Variants in CSMD2 observed in about 807,000 individuals in gnomAD.
CSMD2 encodes the protein CUB and Sushi multiple domains 2.
A neutral mutation model predicts 398.5 loss-of-function variants in CSMD2; 130 were observed. That is an observed-to-expected ratio of 0.33 (90% CI 0.28 to 0.38). The LOEUF (loss-of-function observed/expected upper bound fraction) is 0.38. Ranked by LOEUF, CSMD2 falls within the 10% of genes least tolerant of loss-of-function variation. CSMD2 has a pLI of 1.00. For missense variants in CSMD2, 3,829 were observed against 4,764.9 expected (o/e 0.80, Z 5.78); for synonymous variants, 1,828 against 1,908.5 (o/e 0.96, Z 1.10).
intron 49 of CSMD2, among the ~76,000 whole-genome samples, chr1:33,572,942 C>A (rs1327556898): frequency 6.6e-6 from 1 of 151,912 alleles, no homozygotes; most frequent in Non-Finnish European, 1.5e-5. Flanking sequence ...TGGGAGGGAG[C>A]CTCAGGGTGA....
chr1:34,010,560 C>T (rs1177256799), intron 3 of CSMD2, among the ~76,000 whole-genome samples: 2 of 151,852 alleles, frequency 1.3e-5, no homozygotes, highest in Admixed American at 6.6e-5. Flanking sequence ...GAGCTGGACC[C>T]GAATCCAGGT....
intron 15 of CSMD2, among the ~76,000 whole-genome samples, chr1:33,728,225 AAGACTGGGG>A (rs1303184462): frequency 3.9e-5 from 6 of 152,142 alleles, no homozygotes; most frequent in African/African-American, 1.4e-4. Flanking sequence ...TTCCCTGAAC[AAGACTGGGG>A]AGGAATAAAG....
At chr1:34,135,616 C>T (rs1321491888) in intron 1 of CSMD2, among the ~76,000 whole-genome samples, 2 of 82,624 alleles carry the variant, frequency 2.4e-5, no homozygotes, top group East Asian at 3.6e-4. Flanking sequence ...GACTCCATCT[C>T]AAAAAAAAAA....
At chr1:33,679,197 TTG>T (rs1384306194) in intron 25 of CSMD2, among the ~76,000 whole-genome samples, 36 of 123,886 alleles carry the variant, frequency 2.9e-4, no homozygotes, top group Admixed American at 8.5e-4. Flanking sequence ...CAAATTGCAG[TTG>T]TTTTTTTTTT....
chr1:33,979,401 G>T (rs1489225431), intron 3 of CSMD2, among the ~76,000 whole-genome samples: 1 of 152,252 alleles, frequency 6.6e-6, no homozygotes, highest in African/African-American at 2.4e-5. Context: ...AGGCATTTCG[G>T]CTACCATCCA....
chr1:34,089,268 T>A, intron 1 of CSMD2, 75 bp from the exon 2 acceptor site: 1 of 1,383,908 alleles, frequency 7.2e-7, no homozygotes, highest in East Asian at 2.4e-5. Flanking sequence ...AGGAGCAATG[T>A]GTTAGCAAAT....
rs570689433 is a variant in CSMD2 at position 33,783,621 on chromosome 1, G to A, written c.1663+4979C>T. Among the ~76,000 whole-genome samples the A allele has an allele frequency of 2.9e-4, 44 of 152,194 alleles. 1 individual carries two copies. The South Asian group carries it at 8.9e-3, about 31-fold the overall frequency. ...CCAGCCTCTAGAACTGGGAGAAAAC[G>A]GGGTGCTGTTCTGCCTTCTCTAGAC... On this transcript the variant is annotated intron_variant, in intron 12 of 70. Transcript: ENST00000373381.
chr1:33,957,964 C>T (rs536775593), intron 3 of CSMD2, among the ~76,000 whole-genome samples: 19 of 151,630 alleles, frequency 1.3e-4, no homozygotes, highest in Admixed American at 7.9e-4. Flanking sequence ...TGTGCACGCA[C>T]GCATGTGTGT....
intron 52 of CSMD2, among the ~76,000 whole-genome samples, chr1:33,569,017 TA>T: frequency 6.6e-6 from 1 of 152,220 alleles, no homozygotes; most frequent in Non-Finnish European, 1.5e-5. Context: ...ATAGATAATA[TA>T]AAAGGTATTT....
intron 3 of CSMD2, among the ~76,000 whole-genome samples, chr1:34,022,982 C>G (rs1199568905): frequency 6.6e-6 from 1 of 152,096 alleles, no homozygotes; most frequent in African/African-American, 2.4e-5. Flanking sequence ...CGGGTACATA[C>G]CACCATGCCT....
chr1:33,889,068 C>T (rs1014090896), intron 5 of CSMD2, among the ~76,000 whole-genome samples: 1 of 152,100 alleles, frequency 6.6e-6, no homozygotes, highest in African/African-American at 2.4e-5. Context: ...CTGCGCCCGG[C>T]CAAGATCAAC....
rs1037320188 is a variant in CSMD2 at position 33,832,925 on chromosome 1, CA to C, written c.1034-7152del. Among the ~76,000 whole-genome samples the C allele has an allele frequency of 1.6e-3, 251 of 152,276 alleles. 1 individual carries two copies. The highest frequency in any genetic ancestry group is 0.014 in the Middle Eastern group (4 of 294). ...GAAGAAATGGATAAATTCCTAGACA[CA>C]TACACCCTCCCAAGACTAAACCAGG... is the stretch of plus-strand genomic sequence containing the variant. On this transcript the variant is annotated intron_variant, in intron 6 of 70. Coordinates refer to ENST00000373381, the MANE Select transcript of CSMD2 (RefSeq NM_001281956.2).
chr1:33,693,079 G>C, intron 24 of CSMD2, 23 bp from the exon 25 acceptor site: 2 of 1,578,444 alleles, frequency 1.3e-6, no homozygotes, highest in Non-Finnish European at 1.7e-6. Context: ...CCAAAAGAGT[G>C]AGCTTCATGG....
At chr1:33,719,921 G>C (rs1056816174) in intron 19 of CSMD2, among the ~76,000 whole-genome samples, 2 of 152,160 alleles carry the variant, frequency 1.3e-5, no homozygotes, top group Non-Finnish European at 2.9e-5. Context: ...AAAGCCTCAC[G>C]GGTTAAAAGG....
intron 2 of CSMD2, among the ~76,000 whole-genome samples, chr1:34,086,253 T>G (rs531959814): frequency 6.6e-6 from 1 of 152,196 alleles, no homozygotes; most frequent in East Asian, 1.9e-4. Context: ...AGGTGCCCCA[T>G]AGATGGTGTC....
At chr1:33,687,142 G>A (rs546119124) in intron 25 of CSMD2, among the ~76,000 whole-genome samples, 11 of 152,288 alleles carry the variant, frequency 7.2e-5, no homozygotes, top group Admixed American at 1.3e-4. Flanking sequence ...AGAGTCCAGC[G>A]CTTAGCTATG....
At position 33,592,194 on chromosome 1, in the gene CSMD2, G is replaced by A. The variant is rs930241915; in HGVS notation, c.6857-5026C>T. On this transcript the variant is annotated intron_variant, in intron 44 of 70. Coordinates refer to ENST00000373381, the MANE Select transcript of CSMD2 (RefSeq NM_001281956.2). ...GAACTGAAGGGCCATCAGAAACCAA[G>A]GAAATTTTTCCACTTCTCAATCATT... is the stretch of plus-strand genomic sequence containing the variant. 5.3e-5 allele frequency: 30 copies of A among 563,680 alleles called. No individual in the cohort carries two copies. The South Asian group carries it at 6.0e-4, about 11-fold the overall frequency. 34.9% of individuals were successfully genotyped at this position (563,680 alleles called of 1,614,324 possible).
chr1:33,564,876 AAGGCTCACTTT>A (rs1365245500), intron 53 of CSMD2, among the ~76,000 whole-genome samples: 1 of 152,238 alleles, frequency 6.6e-6, no homozygotes, highest in Non-Finnish European at 1.5e-5. Flanking sequence ...ACTTTACATA[AAGGCTCACTTT>A]AGGGAAATTT....
chr1:33,533,024 G>A lies in CSMD2; in HGVS notation c.10171+26C>T, dbSNP rs1297878668. The A allele has an allele frequency of 6.3e-6, 10 of 1,579,984 alleles. No individual in the cohort carries two copies. Among genetic ancestry groups the A allele is most frequent in the Non-Finnish European group, 8.6e-6 (10 of 1,161,612 alleles). On this transcript the variant is annotated intron_variant, in intron 64 of 70. Coordinates refer to ENST00000373381, the MANE Select transcript of CSMD2 (RefSeq NM_001281956.2). This position sits in a 1 kb window ranked among gnomAD's most constrained non-coding sequence, Gnocchi z 4.2. ...AGCACTTTCAGCCTCCCGCCCTGGAGAGCTTCCCCGAGCAGGCACACTCAC... is the reference window on the plus strand; with the variant it reads ...AGCACTTTCAGCCTCCCGCCCTGGAAAGCTTCCCCGAGCAGGCACACTCAC...
Sources: gnomAD v4.1 joint callset for allele counts (sites outside exome capture counted in the v4.1 genomes callset) on GRCh38, gnomAD v4.1.1 for gene constraint, Gnocchi (gnomAD v3.1) non-coding constraint, MANE v1.5 for transcripts, NCBI Gene and HGNC (gene_info 2026-07-23, HGNC 2026-07-21) for gene names.